KIF13A: variants seen among roughly 807,000 people sequenced by gnomAD.
KIF13A encodes the protein kinesin-like protein KIF13A.
A neutral mutation model predicts 212.2 loss-of-function variants in KIF13A; 79 were observed. That is an observed-to-expected ratio of 0.37 (90% confidence interval 0.31 to 0.45). KIF13A has a LOEUF of 0.45. KIF13A is among the 20% of genes least tolerant of loss of function. KIF13A has a pLI of 1.00. For missense variants in KIF13A, 1,901 were observed against 2,209.0 expected (o/e 0.86, Z 2.79); for synonymous variants, 789 against 808.6 (o/e 0.98, Z 0.41).
At chr6:17,969,779 A>T (rs1006875605) in intron 2 of KIF13A, among the ~76,000 whole-genome samples, 1 of 152,216 alleles carries the variant, frequency 6.6e-6, no homozygotes, top group Non-Finnish European at 1.5e-5. Flanking sequence ...GGTTTTTGGC[A>T]TTCATTTACT....
At chr6:17,975,384 A>G (rs566437732) in intron 2 of KIF13A, among the ~76,000 whole-genome samples, 19 of 152,204 alleles carry the variant, frequency 1.2e-4, no homozygotes, top group Admixed American at 1.0e-3. Context: ...AATATTACAA[A>G]TCTTAAGTTG....
chr6:17,773,204 C>CT lies in KIF13A; in HGVS notation c.4324+273dup, dbSNP rs1759645171. On this transcript the variant is annotated intron_variant, in intron 36 of 38. Transcript: ENST00000259711. This position sits in a 1 kb window ranked among gnomAD's most constrained non-coding sequence, Gnocchi z 4.2. The stretch of plus-strand genomic sequence containing the variant: ...GATTTGTATGTGTCTCAAAACTGGA[C>CT]TTGAAAGTCAGGAAATGATGACAAA... Among the ~76,000 whole-genome samples, 1 of 152,080 alleles carries CT rather than the reference C, an allele frequency of 6.6e-6. No individual in the cohort carries two copies. Among genetic ancestry groups the CT allele is most frequent in the Non-Finnish European group, 1.5e-5 (1 of 68,008 alleles).
chr6:17,953,381 G>A (rs889180613), intron 2 of KIF13A, among the ~76,000 whole-genome samples: 2 of 152,142 alleles, frequency 1.3e-5, no homozygotes, highest in Admixed American at 6.5e-5. Flanking sequence ...AGGGAAGAAA[G>A]GAGATTTTTT....
chr6:17,764,089 T>C lies in KIF13A; in HGVS notation c.*21A>G. The C allele has an allele frequency of 5.0e-6, 8 of 1,603,650 alleles. No homozygotes were observed. The highest frequency in any genetic ancestry group is 6.0e-6 in the Non-Finnish European group (7 of 1,173,194). Reference sequence around the variant, plus strand: ...TTGTTGCGGTGAAGGGCCTCTGGGGTTGACATACAGTTAGACATACTCATT... The same window carrying C: ...TTGTTGCGGTGAAGGGCCTCTGGGGCTGACATACAGTTAGACATACTCATT... On this transcript the variant is annotated 3_prime_UTR_variant, in exon 39 of 39. Coordinates refer to ENST00000259711, the MANE Select transcript of KIF13A (RefSeq NM_022113.6). This position sits in a 1 kb window ranked among gnomAD's most constrained non-coding sequence, Gnocchi z 5.1.
At chr6:17,827,515 ATTTTT>A (rs35848228) in intron 14 of KIF13A, among the ~76,000 whole-genome samples, 1 of 142,500 alleles carries the variant, frequency 7.0e-6, no homozygotes. Context: ...TTCTCTCTAC[ATTTTT>A]TTTTTTTTTT....
chr6:17,775,681 T>C (rs2150298567), intron 34 of KIF13A, among the ~76,000 whole-genome samples: 1 of 152,270 alleles, frequency 6.6e-6, no homozygotes, highest in South Asian at 2.1e-4. Flanking sequence ...TGATTCAGTT[T>C]TTACAGGACA....
chr6:17,786,681 G>A lies in KIF13A; in HGVS notation c.3362-1040C>T, dbSNP rs577589677. 2.6e-4 allele frequency among the ~76,000 whole-genome samples: 40 copies of A among 152,228 alleles called. No individual in the cohort carries two copies. Among genetic ancestry groups the A allele is most frequent in the African/African-American group, 8.2e-4 (34 of 41,524 alleles). On this transcript the variant is annotated intron_variant, in intron 27 of 38. Coordinates refer to ENST00000259711, the MANE Select transcript of KIF13A (RefSeq NM_022113.6). This position sits in a 1 kb window ranked among gnomAD's most constrained non-coding sequence, Gnocchi z 5.4. ...CTTTATTTTCCTCGAGGCTTATCAT[G>A]AAAGGGATTTTATCTGATATACTTT...
Position 17,831,194 on chromosome 6 carries a change from C to A in KIF13A, c.1308G>T (p.Glu436Asp), listed in dbSNP as rs1765417184. The change falls in exon 13 of 39, where the codon GAG becomes GAT. Residue 436 changes from glutamate to aspartate, a missense_variant. Physicochemically the swap from Glu to Asp is conservative, Grantham distance 45. This residue lies in a region of KIF13A where 506 missense variants were observed against 637.4 expected (regional missense o/e 0.79). Coordinates refer to ENST00000259711, the MANE Select transcript of KIF13A (RefSeq NM_022113.6). The part of the protein sequence containing the change: ...RQLESMGISL[E>D]MSGIKVGDDK... ...CATCCCCCACCTTGATACCGGACATCTCCAGGGAAATCCCCATGCTTTCAA... is the reference window on the plus strand; with the variant it reads ...CATCCCCCACCTTGATACCGGACATATCCAGGGAAATCCCCATGCTTTCAA... 5 of 1,613,974 alleles carry A rather than the reference C, an allele frequency of 3.1e-6. No individual in the cohort carries two copies. Among genetic ancestry groups the A allele is most frequent in the Non-Finnish European group, 4.2e-6 (5 of 1,179,860 alleles).
At chr6:17,889,442 G>A (rs1210333154) in intron 3 of KIF13A, among the ~76,000 whole-genome samples, 1 of 152,052 alleles carries the variant, frequency 6.6e-6, no homozygotes, top group Non-Finnish European at 1.5e-5. Flanking sequence ...CAAATAAACC[G>A]TACATGAAAT....
At chr6:17,819,061 G>A (rs1433692880) in intron 16 of KIF13A, among the ~76,000 whole-genome samples, 2 of 146,964 alleles carry the variant, frequency 1.4e-5, no homozygotes, top group African/African-American at 2.5e-5. Context: ...GTGCAGTGGC[G>A]CGATCTCGGC....
chr6:17,801,262 C>T (rs570840352), intron 20 of KIF13A, among the ~76,000 whole-genome samples: 50 of 151,694 alleles, frequency 3.3e-4, no homozygotes, highest in African/African-American at 1.2e-3. Context: ...GAGGCCGAGG[C>T]GGGTGGATCA....
At chr6:17,941,671 G>A (rs59699563) in intron 2 of KIF13A, among the ~76,000 whole-genome samples, 3,270 of 151,858 alleles carry the variant, frequency 0.022, 106 homozygotes, top group African/African-American at 0.074. Context: ...CCTTGATCTC[G>A]GACTTCCAGC....
Position 17,976,286 on chromosome 6 carries a change from G to GA in KIF13A, c.146+10767_146+10768insT, listed in dbSNP as rs1346940925. On this transcript the variant is annotated intron_variant, in intron 2 of 38. Transcript: ENST00000259711. The stretch of plus-strand genomic sequence containing the variant: ...GGCTGCACAGGAGCCCACGGAGCGG[G>GA]TGGGAGGCTCAGGCATGGCGGGCTG... Among the ~76,000 whole-genome samples the GA allele has an allele frequency of 2.0e-5, 3 of 152,218 alleles. No homozygotes were observed. In the East Asian group the frequency reaches 5.8e-4, roughly 29 times the overall value.
Position 17,914,259 on chromosome 6 carries a change from C to A in KIF13A, c.147-16079G>T, listed in dbSNP as rs549723321. On this transcript the variant is annotated intron_variant, in intron 2 of 38. Coordinates refer to ENST00000259711, the MANE Select transcript of KIF13A (RefSeq NM_022113.6). This position sits in a 1 kb window ranked among gnomAD's most constrained non-coding sequence, Gnocchi z 5.9. ...TTTAAACTACATTATTTATAGTGAC[C>A]CTTGTTTTTCACTAAAAAAGTGATG... is the stretch of plus-strand genomic sequence containing the variant. Among the ~76,000 whole-genome samples the A allele has an allele frequency of 6.6e-6, 1 of 151,794 alleles. No homozygotes were observed. Among genetic ancestry groups the A allele is most frequent in the Non-Finnish European group, 1.5e-5 (1 of 67,976 alleles).
chr6:17,765,892 C>T (rs1382740203), intron 38 of KIF13A, among the ~76,000 whole-genome samples: 2 of 152,220 alleles, frequency 1.3e-5, no homozygotes, highest in Non-Finnish European at 1.5e-5. Flanking sequence ...TCAACAAATA[C>T]ACACTGAACA....
chr6:17,852,038 T>C lies in KIF13A; in HGVS notation c.499A>G (p.Arg167Gly). The change falls in exon 7 of 39, where the codon AGA becomes GGA. Residue 167 changes from arginine to glycine, a missense_variant. Transcript: ENST00000259711. The part of the protein sequence containing the change: ...VRDLLDPKGS[R>G]QSLKVREHKV... The stretch of plus-strand genomic sequence containing the variant: ...TGTTCTCGAACTTTAAGAGACTGTC[T>C]ACTCCTGCGGGAGGGAGGAAAAAGG... 6.7e-7 allele frequency: 1 copy of C among 1,498,274 alleles called. No homozygotes were observed. The highest frequency in any genetic ancestry group is 8.9e-7 in the Non-Finnish European group (1 of 1,122,870). 92.8% of individuals were successfully genotyped at this position (1,498,274 alleles called of 1,614,324 possible). A position where few individuals can be genotyped will look rare whatever the true frequency, so the allele number is the denominator to read the frequency against.
At position 17,947,477 on chromosome 6, in the gene KIF13A, T is replaced by C. The variant is rs1777505751; in HGVS notation, c.146+39577A>G. Among the ~76,000 whole-genome samples, 2 of 152,154 alleles carry C rather than the reference T, an allele frequency of 1.3e-5. No individual in the cohort carries two copies. ...TTTCCTTTCAGCTTCCTTCTTAACT[T>C]CAAAAGTTCAAAACTTCGTTGCCTG... On this transcript the variant is annotated intron_variant, in intron 2 of 38. Coordinates refer to ENST00000259711, the MANE Select transcript of KIF13A (RefSeq NM_022113.6). The surrounding 1 kb of genome is among the most constrained non-coding windows in gnomAD (Gnocchi z 4.6).
At chr6:17,916,380 T>C (rs959354365) in intron 2 of KIF13A, among the ~76,000 whole-genome samples, 1 of 152,204 alleles carries the variant, frequency 6.6e-6, no homozygotes, top group Non-Finnish European at 1.5e-5. Context: ...GACTTTCCTA[T>C]AACGCCTGTT....
chr6:17,940,154 C>T (rs1335119561), intron 2 of KIF13A, among the ~76,000 whole-genome samples: 1 of 151,440 alleles, frequency 6.6e-6, no homozygotes, highest in African/African-American at 2.4e-5. Context: ...TCCTTCCTTC[C>T]TTCTTTCCTT....
Sources: allele counts gnomAD v4.1 joint callset (sites outside exome capture counted in the v4.1 genomes callset), GRCh38; gene constraint gnomAD v4.1.1; regional missense constraint gnomAD v4.1.1; non-coding constraint Gnocchi (gnomAD v3.1); transcripts MANE v1.5; gene names NCBI Gene and HGNC (gene_info 2026-07-23, HGNC 2026-07-21).